Variants in TNKS observed in about 807,000 individuals in gnomAD.
TNKS encodes the protein poly [ADP-ribose] polymerase tankyrase-1.
TNKS carries 72 observed loss-of-function variants against 135.8 expected under a neutral mutation model. The ratio of observed to expected loss-of-function variants is 0.53; its 90% CI spans 0.44 to 0.64. The LOEUF is 0.64. TNKS is among the 30% of genes least tolerant of loss of function. TNKS has a pLI of 0.00. For synonymous variants in TNKS, 849 were observed against 649.3 expected (o/e 1.31, Z -4.68); for missense variants, 1,769 against 1,674.0 (o/e 1.06, Z -0.99).
chr8:9,565,838 C>T (rs558501963), intron 1 of TNKS, among the ~76,000 whole-genome samples: 2 of 152,026 alleles, frequency 1.3e-5, no homozygotes, highest in East Asian at 1.9e-4. Context: ...GCCTGGGTGA[C>T]AGAGCAAGAC....
At chr8:9,559,341 C>T (rs1250631610) in intron 1 of TNKS, among the ~76,000 whole-genome samples, 1 of 151,968 alleles carries the variant, frequency 6.6e-6, no homozygotes, top group Non-Finnish European at 1.5e-5. Context: ...AGGGTGAGCC[C>T]AAGCTAGCCA....
intron 11 of TNKS, among the ~76,000 whole-genome samples, chr8:9,716,645 T>TA (rs1242592607): frequency 6.6e-6 from 1 of 152,002 alleles, no homozygotes; most frequent in Non-Finnish European, 1.5e-5. Flanking sequence ...TGGCTGCCGT[T>TA]CTCTATGTCT....
chr8:9,742,844 A>G (rs903914927), intron 17 of TNKS, among the ~76,000 whole-genome samples: 20 of 151,244 alleles, frequency 1.3e-4, no homozygotes, highest in Non-Finnish European at 1.3e-4. Context: ...TAATAAATAC[A>G]TACATTTATA....
At chr8:9,630,925 G>A (rs1268628708) in intron 3 of TNKS, among the ~76,000 whole-genome samples, 1 of 152,098 alleles carries the variant, frequency 6.6e-6, no homozygotes, top group Non-Finnish European at 1.5e-5. Context: ...TATATCTAAT[G>A]TAAAGCCTCC....
At chr8:9,587,864 T>A (rs1199526608) in intron 2 of TNKS, among the ~76,000 whole-genome samples, 1 of 152,244 alleles carries the variant, frequency 6.6e-6, no homozygotes, top group Non-Finnish European at 1.5e-5. Context: ...TACAGCGGTT[T>A]TGCAAAATTT....
intron 3 of TNKS, among the ~76,000 whole-genome samples, chr8:9,645,924 A>G (rs7831760): frequency 0.98 from 149,091 of 152,264 alleles, 73,064 homozygotes; most frequent in East Asian, 1. Flanking sequence ...CTCTGATTTG[A>G]CAAAATAAAA....
In TNKS at chr8:9,780,770, G is replaced by A. The variant is rs535146258; in HGVS notation, c.*4034G>A. 1 of 152,246 alleles carries A rather than the reference G, an allele frequency of 6.6e-6. No individual in the cohort carries two copies. Among genetic ancestry groups the A allele is most frequent in the African/African-American group, 2.4e-5 (1 of 41,550 alleles). The allele number at this position is 152,246 out of a possible 1,614,324, so 9.4% of individuals were successfully genotyped here. A position where few individuals can be genotyped will look rare whatever the true frequency, so the allele number is the denominator to read the frequency against. On this transcript the variant is annotated 3_prime_UTR_variant, in exon 27 of 27. Coordinates refer to ENST00000310430, the MANE Select transcript of TNKS (RefSeq NM_003747.3). ...CCATGTCTCCATGTGTTTCAGACCT[G>A]TTCATCTTATTTTATGATGGTATAT...
chr8:9,605,332 A>G (rs1799173281), intron 2 of TNKS, among the ~76,000 whole-genome samples: 1 of 151,936 alleles, frequency 6.6e-6, no homozygotes, highest in South Asian at 2.1e-4. Context: ...TATGAAACGA[A>G]AGTTTGTTTC....
chr8:9,665,335 C>T (rs1801936965), intron 3 of TNKS, among the ~76,000 whole-genome samples: 1 of 152,212 alleles, frequency 6.6e-6, no homozygotes, highest in African/African-American at 2.4e-5. Flanking sequence ...CAGGACATTG[C>T]CTTTATCCTG....
At chr8:9,670,844 T>G (rs1802241009) in intron 3 of TNKS, 1 of 152,226 alleles carries the variant, frequency 6.6e-6, no homozygotes, top group Admixed American at 6.5e-5. Flanking sequence ...TTATGTGTTA[T>G]CCAGAACTTT....
At position 9,561,472 on chromosome 8, in the gene TNKS, A is replaced by G. The variant is rs1455418058; in HGVS notation, c.673+4860A>G. 3.3e-5 allele frequency among the ~76,000 whole-genome samples: 5 copies of G among 152,172 alleles called. No individual in the cohort carries two copies. In the South Asian group the frequency reaches 8.3e-4, roughly 25 times the overall value. On this transcript the variant is annotated intron_variant, in intron 1 of 26. Transcript: ENST00000310430. ...AATTTCATATAAATGCAGTCATACA[A>G]TATTTAGTCTTTCTGTAAGACTTAT...
At position 9,705,962 on chromosome 8, in the gene TNKS, A is replaced by G. The variant is rs555897106; in HGVS notation, c.1203-225A>G. Reference sequence around the variant, plus strand: ...CTTCCTTTCGCCAAAATGTTCTTCTATTTGGTATTTTTTTCATTATCTTCA... The same window carrying G: ...CTTCCTTTCGCCAAAATGTTCTTCTGTTTGGTATTTTTTTCATTATCTTCA... On this transcript the variant is annotated intron_variant, in intron 6 of 26. Transcript: ENST00000310430. 2.9e-3 allele frequency among the ~76,000 whole-genome samples: 447 copies of G among 152,276 alleles called. 1 individual carries two copies. The highest frequency in any genetic ancestry group is 9.4e-3 in the African/African-American group (392 of 41,568).
chr8:9,750,298 A>G (rs1009174945), intron 18 of TNKS, among the ~76,000 whole-genome samples: 2 of 152,176 alleles, frequency 1.3e-5, no homozygotes, highest in Non-Finnish European at 2.9e-5. Context: ...GAGGCTGGGA[A>G]TGGTGAATAA....
intron 4 of TNKS, among the ~76,000 whole-genome samples, chr8:9,680,480 T>G: frequency 6.6e-6 from 1 of 152,306 alleles, no homozygotes; most frequent in Middle Eastern, 3.4e-3. Flanking sequence ...AAGATGACTT[T>G]ATGTAGATAA....
At chr8:9,658,480 A>G in intron 3 of TNKS, 2 of 673,420 alleles carry the variant, frequency 3.0e-6, no homozygotes, top group Non-Finnish European at 4.6e-6. Context: ...TATCCAGCCA[A>G]ACTAAGCTTC....
intron 1 of TNKS, among the ~76,000 whole-genome samples, chr8:9,567,715 C>T (rs1034324872): frequency 5.9e-5 from 9 of 152,198 alleles, no homozygotes; most frequent in Admixed American, 2.0e-4. Flanking sequence ...CCGCACCCTT[C>T]CAGCAACGAC....
chr8:9,647,812 G>T (rs570060932), intron 3 of TNKS, among the ~76,000 whole-genome samples: 26 of 152,114 alleles, frequency 1.7e-4, no homozygotes, highest in African/African-American at 5.6e-4. Context: ...TATGAAATGC[G>T]TCATTAGGTA....
At chr8:9,606,607 C>T (rs779742497) in intron 2 of TNKS, among the ~76,000 whole-genome samples, 27 of 152,024 alleles carry the variant, frequency 1.8e-4, no homozygotes, top group African/African-American at 6.5e-4. Context: ...AATTTATTTT[C>T]TTTAAGTCTT....
chr8:9,594,612 T>C (rs1253400865), intron 2 of TNKS, among the ~76,000 whole-genome samples: 2 of 152,220 alleles, frequency 1.3e-5, no homozygotes, highest in African/African-American at 4.8e-5. Context: ...TTTTCTACTT[T>C]ATGTAGTAAC....
Sources: gnomAD v4.1 joint callset for allele counts (sites outside exome capture counted in the v4.1 genomes callset) on GRCh38, gnomAD v4.1.1 for gene constraint, MANE v1.5 for transcripts, NCBI Gene and HGNC (gene_info 2026-07-23, HGNC 2026-07-21) for gene names.